Variants in CDH13 observed in about 807,000 individuals in gnomAD.
The protein encoded by CDH13 is cadherin-13.
Under a neutral mutation model 63.8 loss-of-function variants are expected in CDH13, and 24 were observed. That is an observed-to-expected ratio of 0.38 (90% confidence interval 0.27 to 0.53). CDH13 has a LOEUF of 0.53. Ranked by LOEUF, CDH13 falls within the 20% of genes least tolerant of loss-of-function variation. CDH13 has a pLI of 0.85. For missense variants in CDH13, 1,049 were observed against 903.1 expected (o/e 1.16, Z -2.07); for synonymous variants, 503 against 355.3 (o/e 1.42, Z -4.67).
At chr16:82,704,624 C>G (rs1332326747) in intron 1 of CDH13, among the ~76,000 whole-genome samples, 1 of 152,156 alleles carries the variant, frequency 6.6e-6, no homozygotes, top group Non-Finnish European at 1.5e-5. Context: ...GGCAGGCACA[C>G]CTGGGGTCCT....
At chr16:82,674,498 C>T (rs1266834434) in intron 1 of CDH13, among the ~76,000 whole-genome samples, 1 of 152,202 alleles carries the variant, frequency 6.6e-6, no homozygotes, top group African/African-American at 2.4e-5. Flanking sequence ...CTGAAATCCT[C>T]AGTTAACCAC....
chr16:83,201,155 C>T (rs535777543), intron 4 of CDH13, among the ~76,000 whole-genome samples: 2 of 152,038 alleles, frequency 1.3e-5, no homozygotes, highest in South Asian at 4.2e-4. Flanking sequence ...TTTTTCCTGA[C>T]CATATGGTCT....
At chr16:83,716,454 C>G (rs148275037) in intron 10 of CDH13, among the ~76,000 whole-genome samples, 2 of 152,268 alleles carry the variant, frequency 1.3e-5, no homozygotes, top group African/African-American at 4.8e-5. Context: ...CCTTGCCAGT[C>G]ATTAATCCCC....
chr16:82,843,039 G>A (rs1450569522), intron 1 of CDH13, among the ~76,000 whole-genome samples: 6 of 152,142 alleles, frequency 3.9e-5, no homozygotes, highest in East Asian at 1.9e-4. Context: ...TATGTGGTCC[G>A]GTTCCTAAAA....
At chr16:82,866,377 CTTTTTTTTTTT>C (rs538206338) in intron 2 of CDH13, among the ~76,000 whole-genome samples, 13 of 58,296 alleles carry the variant, frequency 2.2e-4, no homozygotes, top group Non-Finnish European at 2.9e-4. Context: ...TTTTCTTCTT[CTTTTTTTTTTT>C]TTTTTTTTTT....
At chr16:82,973,367 GT>G (rs1260121368) in intron 2 of CDH13, among the ~76,000 whole-genome samples, 5 of 152,214 alleles carry the variant, frequency 3.3e-5, no homozygotes, top group Non-Finnish European at 1.5e-5. Flanking sequence ...TTTAAAGCCT[GT>G]TTGGGTGTCC....
intron 4 of CDH13, among the ~76,000 whole-genome samples, chr16:83,200,921 ATGTGTGTG>A (rs374017580): frequency 0.021 from 2,668 of 129,720 alleles, 40 homozygotes; most frequent in East Asian, 0.054. Flanking sequence ...AGTCTTAAAA[ATGTGTGTG>A]TGTGTGTGTG....
chr16:83,330,769 C>G (rs1367649778), intron 5 of CDH13, among the ~76,000 whole-genome samples: 3 of 152,170 alleles, frequency 2.0e-5, no homozygotes, highest in Non-Finnish European at 4.4e-5. Flanking sequence ...ACTCCTCATA[C>G]GAAGGTTGGA....
intron 6 of CDH13, among the ~76,000 whole-genome samples, chr16:83,402,457 C>T (rs915644184): frequency 6.6e-6 from 1 of 152,202 alleles, no homozygotes; most frequent in Non-Finnish European, 1.5e-5. Flanking sequence ...ACTGCATTTA[C>T]CAATCCACAG....
intron 1 of CDH13, among the ~76,000 whole-genome samples, chr16:82,693,906 C>T (rs1245248865): frequency 6.6e-6 from 1 of 152,170 alleles, no homozygotes; most frequent in Non-Finnish European, 1.5e-5. Context: ...TCAAACTTCT[C>T]ATCTGTGATT....
chr16:82,750,454 T>C (rs145378970), intron 1 of CDH13, among the ~76,000 whole-genome samples: 1 of 152,306 alleles, frequency 6.6e-6, no homozygotes, highest in African/African-American at 2.4e-5. Flanking sequence ...ATTCTGCTTA[T>C]GGACTCACAG....
chr16:83,647,241 C>A (rs1335886357), intron 8 of CDH13, among the ~76,000 whole-genome samples: 1 of 148,410 alleles, frequency 6.7e-6, no homozygotes, highest in Non-Finnish European at 1.5e-5. Flanking sequence ...ACCCGGGAGG[C>A]GGAGCTTGCA....
At chr16:82,895,449 G>C (rs1242330020) in intron 2 of CDH13, among the ~76,000 whole-genome samples, 1 of 152,000 alleles carries the variant, frequency 6.6e-6, no homozygotes, top group African/African-American at 2.4e-5. Flanking sequence ...CACTCTTTAA[G>C]AGTAAAGGCC....
chr16:82,776,391 A>G (rs978567800), intron 1 of CDH13, among the ~76,000 whole-genome samples: 3 of 152,196 alleles, frequency 2.0e-5, no homozygotes, highest in Non-Finnish European at 4.4e-5. Flanking sequence ...AACCCAGTGC[A>G]GAGTTGGTGG....
chr16:83,667,582 T>A (rs1479119049), intron 8 of CDH13, among the ~76,000 whole-genome samples: 3 of 152,142 alleles, frequency 2.0e-5, no homozygotes, highest in African/African-American at 7.2e-5. Context: ...ATTATCACAG[T>A]GCTAGGACCC....
intron 6 of CDH13, among the ~76,000 whole-genome samples, chr16:83,347,492 G>C (rs1053363569): frequency 6.6e-6 from 1 of 152,094 alleles, no homozygotes; most frequent in African/African-American, 2.4e-5. Flanking sequence ...CACCTGTCCC[G>C]CTGAATTCAT....
intron 10 of CDH13, among the ~76,000 whole-genome samples, chr16:83,689,354 T>A (rs1904619521): frequency 6.6e-6 from 1 of 152,172 alleles, no homozygotes; most frequent in South Asian, 2.1e-4. Flanking sequence ...TAGCACTGAT[T>A]GAAAAAGCCA....
At chr16:83,092,804 A>G (rs2033983090) in intron 3 of CDH13, among the ~76,000 whole-genome samples, 2 of 152,202 alleles carry the variant, frequency 1.3e-5, no homozygotes, top group South Asian at 4.1e-4. Flanking sequence ...AGAATCTCCC[A>G]AGAGACTCCA....
chr16:83,699,832 A>G (rs1905947572), intron 10 of CDH13, among the ~76,000 whole-genome samples: 1 of 152,152 alleles, frequency 6.6e-6, no homozygotes, highest in Non-Finnish European at 1.5e-5. Context: ...ATTTCTCACA[A>G]GGCACATCAT....
Sources: gnomAD v4.1 joint callset for allele counts (sites outside exome capture counted in the v4.1 genomes callset) on GRCh38, gnomAD v4.1.1 for gene constraint, MANE v1.5 for transcripts, NCBI Gene and HGNC (gene_info 2026-07-23, HGNC 2026-07-21) for gene names.